CIRSR: variants seen among roughly 807,000 people sequenced by gnomAD.
CIRSR encodes CBF1 (RBPJ) interacting corepressor 1.
chr2:174,386,461 C>A, the CIRSR span, among the ~76,000 whole-genome samples: 1 of 151,656 alleles, frequency 6.6e-6, no homozygotes, highest in South Asian at 2.1e-4. Context: ...GGATTACAGG[C>A]ATGAGCCACT....
the CIRSR span, among the ~76,000 whole-genome samples, chr2:174,367,745 TAAAAAAAA>T: frequency 3.4e-4 from 24 of 70,850 alleles, no homozygotes; most frequent in Non-Finnish European, 5.7e-4. Flanking sequence ...TGCTGTCTCT[TAAAAAAAA>T]AAAAAAAAAA....
chr2:174,349,620 C>A, the CIRSR span, among the ~76,000 whole-genome samples: 1 of 144,748 alleles, frequency 6.9e-6, no homozygotes, highest in East Asian at 2.1e-4. Context: ...GCATTGTTTA[C>A]TAAATGACAA....
the CIRSR span, among the ~76,000 whole-genome samples, chr2:174,360,656 CT>C: frequency 6.6e-6 from 1 of 152,088 alleles, no homozygotes. Flanking sequence ...CATAATGCCC[CT>C]TTGAGATTAT....
At chr2:174,353,013 T>C in the CIRSR span, among the ~76,000 whole-genome samples, 15 of 152,352 alleles carry the variant, frequency 9.8e-5, no homozygotes, top group South Asian at 4.1e-4. Flanking sequence ...TTTGTTTACC[T>C]GTCAATAGCA....
chr2:174,378,717 T>C, the CIRSR span: 4 of 552,686 alleles, frequency 7.2e-6, no homozygotes, highest in Non-Finnish European at 1.3e-5. Flanking sequence ...AAAATTAAAC[T>C]TAATCCTATT....
At chr2:174,368,493 C>T in the CIRSR span, among the ~76,000 whole-genome samples, 4 of 152,098 alleles carry the variant, frequency 2.6e-5, no homozygotes, top group Admixed American at 2.6e-4. Flanking sequence ...AAAAAGTAGT[C>T]TCAAGAGAAA....
the CIRSR span, among the ~76,000 whole-genome samples, chr2:174,372,802 A>C: frequency 6.6e-6 from 1 of 152,094 alleles, no homozygotes; most frequent in Non-Finnish European, 1.5e-5. Context: ...GGCTGGTCTC[A>C]AACTCCTGAC....
At chr2:174,350,542 A>G in the CIRSR span, 18 of 542,802 alleles carry the variant, frequency 3.3e-5, no homozygotes, top group Non-Finnish European at 4.0e-5. Flanking sequence ...AAGAATAATC[A>G]ATAAATGTGA....
chr2:174,351,212 A>G, the CIRSR span, among the ~76,000 whole-genome samples: 2 of 152,228 alleles, frequency 1.3e-5, no homozygotes, highest in African/African-American at 4.8e-5. Context: ...CTTCAAACTC[A>G]ATCATTTTCT....
the CIRSR span, among the ~76,000 whole-genome samples, chr2:174,389,983 G>A: frequency 5.9e-5 from 9 of 152,236 alleles, no homozygotes; most frequent in Admixed American, 5.9e-4. Context: ...TTGCTGCAGG[G>A]GTGGAACCCT....
At chr2:174,350,911 TC>T in the CIRSR span, among the ~76,000 whole-genome samples, 1 of 152,178 alleles carries the variant, frequency 6.6e-6, no homozygotes, top group Non-Finnish European at 1.5e-5. Flanking sequence ...TTTTGTAGTC[TC>T]CCTGCCGAAG....
chr2:174,392,370 T>C, the CIRSR span, among the ~76,000 whole-genome samples: 1 of 152,206 alleles, frequency 6.6e-6, no homozygotes, highest in South Asian at 2.1e-4. Flanking sequence ...CATGAATACA[T>C]TTTAAAAACC....
chr2:174,387,541 T>G, the CIRSR span: 1 of 817,302 alleles, frequency 1.2e-6, no homozygotes, highest in Non-Finnish European at 1.8e-6. Context: ...GGTATGAGAG[T>G]AAAAGAGATA....
the CIRSR span, among the ~76,000 whole-genome samples, chr2:174,383,925 T>C: frequency 2.6e-5 from 4 of 151,276 alleles, no homozygotes; most frequent in South Asian, 4.2e-4. Flanking sequence ...CCATTACTAG[T>C]AGGAAATGTA....
chr2:174,383,208 C>G, the CIRSR span, among the ~76,000 whole-genome samples: 5 of 152,122 alleles, frequency 3.3e-5, no homozygotes, highest in Non-Finnish European at 7.3e-5. Context: ...TCTATAGAGA[C>G]AGCAAGTAAA....
the CIRSR span, among the ~76,000 whole-genome samples, chr2:174,361,653 G>A: frequency 1.3e-5 from 2 of 151,370 alleles, no homozygotes; most frequent in Non-Finnish European, 2.9e-5. Flanking sequence ...TAGGCAAGGA[G>A]AAGAACACTG....
At chr2:174,353,359 T>C in the CIRSR span, among the ~76,000 whole-genome samples, 1 of 152,230 alleles carries the variant, frequency 6.6e-6, no homozygotes, top group Non-Finnish European at 1.5e-5. Context: ...CCTTTAATTA[T>C]TCAGTCTGGT....
the CIRSR span, among the ~76,000 whole-genome samples, chr2:174,386,488 G>C: frequency 1.3e-5 from 2 of 152,142 alleles, no homozygotes; most frequent in Non-Finnish European, 2.9e-5. Context: ...GACCAAATTA[G>C]GGTTTTTAAA....
At chr2:174,348,359 A>G in the CIRSR span, 5 of 1,385,096 alleles carry the variant, frequency 3.6e-6, no homozygotes, top group African/African-American at 7.2e-5. Context: ...TCTAGAGATG[A>G]AAAATTAAAA....
Sources: allele counts gnomAD v4.1 joint callset (sites outside exome capture counted in the v4.1 genomes callset), GRCh38; gene constraint gnomAD v4.1.1; transcripts MANE v1.5; gene names NCBI Gene and HGNC (gene_info 2026-07-23, HGNC 2026-07-21).